FGF13: variants seen among roughly 807,000 people sequenced by gnomAD.
FGF13 encodes the protein fibroblast growth factor 13, also known as fibroblast growth factor homologous factor 2.
Under a neutral mutation model 19.5 loss-of-function variants are expected in FGF13, and 2 were observed. The ratio of observed to expected loss-of-function variants is 0.10; its 90% CI spans 0.04 to 0.32. The LOEUF (loss-of-function observed/expected upper bound fraction) is 0.32, where lower values mean the gene tolerates loss of function less well. FGF13 is among the 10% of genes least tolerant of loss of function. The probability of loss-of-function intolerance (pLI) is 1.00; values close to 1 mark genes in which losing one functional copy is unlikely to be tolerated. For missense variants in FGF13, 113 were observed against 192.7 expected, an observed-to-expected ratio of 0.59 and a Z score of 2.45; for synonymous variants, 72 against 76.9, an observed-to-expected ratio of 0.94 and a Z score of 0.33.
chrX:139,136,522 G>A (rs1156494873), intron 1 of FGF13, among the ~76,000 whole-genome samples: 2 of 111,404 alleles, frequency 1.8e-5, no homozygotes, highest in Non-Finnish European at 3.8e-5. Context: ...AAGACTCAGT[G>A]GATTTAACAA....
At chrX:139,047,160 T>C (rs1318704232) in intron 1 of FGF13, among the ~76,000 whole-genome samples, 2 of 112,267 alleles carry the variant, frequency 1.8e-5, no homozygotes, top group East Asian at 5.6e-4. Flanking sequence ...CTCTTTGAAC[T>C]AGGAATGCAT....
At chrX:138,983,723 G>A (rs191219974) in intron 1 of FGF13, among the ~76,000 whole-genome samples, 2 of 110,649 alleles carry the variant, frequency 1.8e-5, no homozygotes, top group Non-Finnish European at 3.8e-5. Flanking sequence ...AAGATATTTG[G>A]ATTCACATGT....
chrX:138,866,054 A>G (rs747327372), intron 1 of FGF13, among the ~76,000 whole-genome samples: 1 of 112,919 alleles, frequency 8.9e-6, no homozygotes, highest in East Asian at 2.8e-4. Flanking sequence ...GTCTAGTTAA[A>G]TACACTGGAC....
intron 3 of FGF13, among the ~76,000 whole-genome samples, chrX:138,684,519 ATG>A (rs1402992228): frequency 9.0e-6 from 1 of 111,695 alleles, no homozygotes. Flanking sequence ...GTATTTAGTA[ATG>A]AATTTGGTAT....
intron 1 of FGF13, among the ~76,000 whole-genome samples, chrX:139,017,294 A>G (rs1032715564): frequency 2.8e-5 from 3 of 105,990 alleles, no homozygotes; most frequent in African/African-American, 1.0e-4. Context: ...GATGGTTCCA[A>G]TGGCGATGAA....
At chrX:139,097,079 T>A (rs2083475465) in intron 1 of FGF13, among the ~76,000 whole-genome samples, 1 of 111,634 alleles carries the variant, frequency 9.0e-6, no homozygotes, top group Admixed American at 9.5e-5. Context: ...AAATACTAAA[T>A]AAAATATTAA....
At position 138,625,471 on chromosome X, in the gene FGF13, CATATATATATATA is replaced by C. The variant is rs1156739250; in HGVS notation, c.*7366_*7378del. On this transcript the variant is annotated 3_prime_UTR_variant, in exon 5 of 5. Transcript: ENST00000315930. ...GAAGAAAGAAAATTATATATATATA[CATATATATATATA>C]ATATATATATATACATATATATATA... The C allele has an allele frequency of 1.1e-5, 1 of 89,912 alleles. No homozygotes were observed. Among genetic ancestry groups the C allele is most frequent in the Non-Finnish European group, 2.1e-5 (1 of 47,899 alleles). 7.4% of individuals were successfully genotyped at this position (89,912 alleles called of 1,213,427 possible).
At chrX:139,062,969 C>A (rs2092341196) in intron 1 of FGF13, among the ~76,000 whole-genome samples, 1 of 112,126 alleles carries the variant, frequency 8.9e-6, no homozygotes, top group Non-Finnish European at 1.9e-5. Flanking sequence ...TCTCTAAGTT[C>A]TTCTCAACTA....
At chrX:138,747,552 T>C (rs144724072) in intron 3 of FGF13, among the ~76,000 whole-genome samples, 261 of 111,960 alleles carry the variant, frequency 2.3e-3, no homozygotes, top group African/African-American at 7.9e-3. Context: ...CTAATTTGCC[T>C]TCAGAATCCT....
intron 1 of FGF13, among the ~76,000 whole-genome samples, chrX:138,885,574 T>C (rs1017232732): frequency 9.2e-6 from 1 of 109,158 alleles, no homozygotes; most frequent in Non-Finnish European, 1.9e-5. Flanking sequence ...TTCAGCCACA[T>C]TGGAGTATAT....
Position 139,026,237 on chromosome X carries a change from T to A in FGF13, c.-112-161587A>T, listed in dbSNP as rs1216259522. ...TATGTCACATTATGTGATACAATTT[T>A]ATTTTTTTTAACGTTAACATATTTC... On this transcript the variant is annotated intron_variant, in intron 1 of 2. Coordinates refer to the FGF13 transcript ENST00000421460. Among the ~76,000 whole-genome samples the A allele has an allele frequency of 2.7e-5, 3 of 111,543 alleles. No individual in the cohort carries two copies. The Admixed American group carries it at 2.9e-4, about 11-fold the overall frequency.
chrX:139,163,814 A>T (rs1194332848), intron 1 of FGF13, among the ~76,000 whole-genome samples: 2 of 111,476 alleles, frequency 1.8e-5, no homozygotes, highest in Non-Finnish European at 3.8e-5. Context: ...AATTTTCCTG[A>T]AGTTTTCTTA....
At chrX:138,925,125 T>A (rs1350634325) in intron 1 of FGF13, among the ~76,000 whole-genome samples, 3 of 112,103 alleles carry the variant, frequency 2.7e-5, no homozygotes, top group African/African-American at 9.7e-5. Context: ...AGGGACTTTA[T>A]GTGCCAAGAA....
intron 1 of FGF13, among the ~76,000 whole-genome samples, chrX:139,196,591 G>C (rs981994304): frequency 8.9e-6 from 1 of 112,306 alleles, no homozygotes; most frequent in Admixed American, 9.4e-5. Context: ...GTGAATGGAA[G>C]TAATTTCGTC....
chrX:138,939,410 GTTTA>G (rs1284952995), intron 1 of FGF13, among the ~76,000 whole-genome samples: 2 of 112,069 alleles, frequency 1.8e-5, no homozygotes, highest in African/African-American at 6.5e-5. Context: ...ATATGTTAGA[GTTTA>G]TTTATTTTAA....
chrX:138,794,901 T>A (rs1234483389), intron 3 of FGF13, among the ~76,000 whole-genome samples: 1 of 112,171 alleles, frequency 8.9e-6, no homozygotes, highest in Non-Finnish European at 1.9e-5. Context: ...GTGTTTGTCC[T>A]TAACTGAAGA....
chrX:138,672,386 G>A (rs1009246762), intron 3 of FGF13, among the ~76,000 whole-genome samples: 1 of 111,215 alleles, frequency 9.0e-6, no homozygotes, highest in African/African-American at 3.3e-5. Flanking sequence ...ATGAGAGTTG[G>A]TTTAGTTCTG....
At chrX:139,026,238 A>AT (rs979697507) in intron 1 of FGF13, among the ~76,000 whole-genome samples, 3 of 110,818 alleles carry the variant, frequency 2.7e-5, no homozygotes, top group East Asian at 2.9e-4. Context: ...ATACAATTTT[A>AT]TTTTTTTTAA....
intron 1 of FGF13, among the ~76,000 whole-genome samples, chrX:138,962,183 A>C (rs2091874505): frequency 8.9e-6 from 1 of 112,452 alleles, no homozygotes; most frequent in Non-Finnish European, 1.9e-5. Flanking sequence ...AAGTGGGCGA[A>C]GGATATGAAC....
Sources: gnomAD v4.1 joint callset for allele counts (sites outside exome capture counted in the v4.1 genomes callset) on GRCh38, gnomAD v4.1.1 for gene constraint, MANE v1.5 for transcripts, NCBI Gene and HGNC (gene_info 2026-07-23, HGNC 2026-07-21) for gene names.